Variants in ANKRD36C observed in about 807,000 individuals in gnomAD.
The protein encoded by ANKRD36C is ankyrin repeat domain 36C.
In ANKRD36C, 61 loss-of-function variants were observed where a neutral mutation model predicts 276.4. The ratio of observed to expected loss-of-function variants is 0.22; its 90% confidence interval spans 0.18 to 0.27. The LOEUF is 0.27. Among genes scored for constraint, ANKRD36C ranks in the 10% least tolerant of loss-of-function variants. The pLI is 1.00. For synonymous variants in ANKRD36C, 483 were observed against 680.1 expected (o/e 0.71, Z 4.51); for missense variants, 1,447 against 2,032.3 (o/e 0.71, Z 5.54).
At chr2:95,945,760 C>T (rs1428909943) in intron 17 of ANKRD36C, among the ~76,000 whole-genome samples, 1 of 152,288 alleles carries the variant, frequency 6.6e-6, no homozygotes, top group African/African-American at 2.4e-5. Context: ...GAATGAAGGC[C>T]ACACATAGTT....
chr2:95,849,511 G>A (rs1370740843), downstream of ANKRD36C, among the ~76,000 whole-genome samples: 3 of 152,162 alleles, frequency 2.0e-5, no homozygotes, highest in Admixed American at 6.5e-5. Flanking sequence ...ACAGATGGGG[G>A]TTTGGGGGAT....
intron 60 of ANKRD36C, among the ~76,000 whole-genome samples, chr2:95,861,025 A>G (rs1198180451): frequency 6.6e-6 from 1 of 152,196 alleles, no homozygotes; most frequent in Non-Finnish European, 1.5e-5. Flanking sequence ...GTCCATTCCC[A>G]TGAGCCAGGC....
At chr2:95,973,665 A>G (rs1257386773) in intron 6 of ANKRD36C, among the ~76,000 whole-genome samples, 1 of 152,222 alleles carries the variant, frequency 6.6e-6, no homozygotes, top group Non-Finnish European at 1.5e-5. Context: ...TTTAAAATGT[A>G]GGATGAGTTA....
exon 61 of ANKRD36C, chr2:95,860,016 T>C: frequency 6.5e-7 from 1 of 1,547,910 alleles, no homozygotes; most frequent in Non-Finnish European, 8.7e-7. Flanking sequence ...TATCTTTAAG[T>C]TCTGTTAATC....
chr2:95,893,832 T>G (rs191595028), intron 44 of ANKRD36C, 108 bp from the exon 63 acceptor site: 3 of 1,563,986 alleles, frequency 1.9e-6, no homozygotes, highest in African/African-American at 1.4e-5. Context: ...TGTATTAGCG[T>G]AGGCTTTAAT....
chr2:95,867,728 T>C, intron 59 of ANKRD36C, 147 bp from the exon 80 acceptor site: 2 of 1,045,452 alleles, frequency 1.9e-6, no homozygotes, highest in African/African-American at 1.6e-5. Context: ...ATTTCCTTTA[T>C]GTTGACTCTA....
intron 60 of ANKRD36C, among the ~76,000 whole-genome samples, chr2:95,867,047 A>AT (rs1558620764): frequency 6.6e-6 from 1 of 152,286 alleles, no homozygotes; most frequent in East Asian, 1.9e-4. Context: ...ATCAGGTGTG[A>AT]TTTTTTACAA....
At chr2:95,902,751 T>G in intron 42 of ANKRD36C, 135 bp downstream of exon 54, 1 of 1,177,564 alleles carries the variant, frequency 8.5e-7, no homozygotes, top group South Asian at 1.4e-5. Context: ...CCCACAAACT[T>G]ATTTGAAATG....
chr2:95,933,844 A>T (rs999885794), intron 24 of ANKRD36C, among the ~76,000 whole-genome samples: 6 of 152,302 alleles, frequency 3.9e-5, no homozygotes, highest in African/African-American at 1.4e-4. Context: ...AACAGGAGAA[A>T]ATGTTCGCAA....
intron 52 of ANKRD36C, 118 bp downstream of exon 72, chr2:95,885,930 T>C (rs1276713613): frequency 6.5e-7 from 1 of 1,536,902 alleles, no homozygotes; most frequent in East Asian, 2.4e-5. Flanking sequence ...AAATGAAGAA[T>C]CTCAAGCATG....
chr2:95,957,106 A>T (rs1251885224), intron 12 of ANKRD36C, among the ~76,000 whole-genome samples: 2 of 152,170 alleles, frequency 1.3e-5, no homozygotes, highest in African/African-American at 4.8e-5. Flanking sequence ...ACTTGAGGTC[A>T]GGAGTTCGAA....
chr2:95,934,600 G>T (rs1177677615), intron 24 of ANKRD36C, among the ~76,000 whole-genome samples: 1 of 152,272 alleles, frequency 6.6e-6, no homozygotes, highest in Non-Finnish European at 1.5e-5. Flanking sequence ...ACCAGGGCCT[G>T]TCAGGGAGAT....
intron 59 of ANKRD36C, among the ~76,000 whole-genome samples, chr2:95,868,472 T>G (rs1237501882): frequency 6.6e-6 from 1 of 152,128 alleles, no homozygotes; most frequent in East Asian, 1.9e-4. Context: ...CATAGCTACT[T>G]CTGGGTTTCT....
intron 3 of ANKRD36C, among the ~76,000 whole-genome samples, chr2:95,983,138 G>A (rs1024161132): frequency 6.6e-6 from 1 of 150,744 alleles, no homozygotes; most frequent in African/African-American, 2.4e-5. Context: ...CTGAGCACCT[G>A]AGCACCTGAC....
chr2:95,850,713 T>C (rs897656147), downstream of ANKRD36C, among the ~76,000 whole-genome samples: 1 of 152,240 alleles, frequency 6.6e-6, no homozygotes, highest in Non-Finnish European at 1.5e-5. Flanking sequence ...ACAAAGTCAA[T>C]GACTAGAGAT....
At chr2:95,940,012 A>G in intron 20 of ANKRD36C, among the ~76,000 whole-genome samples, 1 of 152,120 alleles carries the variant, frequency 6.6e-6, no homozygotes, top group Non-Finnish European at 1.5e-5. Flanking sequence ...TTTTCATAAC[A>G]ATCAACTTTC....
At chr2:95,968,686 G>A (rs1414477381) in intron 6 of ANKRD36C, among the ~76,000 whole-genome samples, 1 of 152,114 alleles carries the variant, frequency 6.6e-6, no homozygotes, top group Non-Finnish European at 1.5e-5. Flanking sequence ...CTATCTACTT[G>A]GGGATTGTGT....
intron 3 of ANKRD36C, among the ~76,000 whole-genome samples, chr2:95,986,087 C>G (rs889705727): frequency 6.6e-6 from 1 of 152,182 alleles, no homozygotes; most frequent in Non-Finnish European, 1.5e-5. Flanking sequence ...CTCACAAACT[C>G]TTTCCCAAAG....
intron 42 of ANKRD36C, among the ~76,000 whole-genome samples, chr2:95,911,034 C>G (rs563405413): frequency 3.3e-5 from 5 of 151,406 alleles, no homozygotes; most frequent in South Asian, 4.2e-4. Context: ...CACACAATTG[C>G]GACGATACTT....
Sources: gnomAD v4.1 joint callset for allele counts (sites outside exome capture counted in the v4.1 genomes callset) on GRCh38, gnomAD v4.1.1 for gene constraint, MANE v1.5 for transcripts, NCBI Gene and HGNC (gene_info 2026-07-23, HGNC 2026-07-21) for gene names.